Variants in MED20 observed in about 807,000 individuals in gnomAD.
The protein encoded by MED20 is mediator of RNA polymerase II transcription subunit 20.
A neutral mutation model predicts 19.7 loss-of-function variants in MED20; 19 were observed. The observed-to-expected ratio is 0.96, with a 90% CI of 0.67 to 1.42. MED20 has a LOEUF of 1.42. Among genes scored for constraint, MED20 ranks in the 40% most tolerant of loss-of-function variants. The pLI, the probability that MED20 is intolerant of heterozygous loss-of-function variation, is 0.00. For synonymous variants in MED20, 105 were observed against 104.8 expected (o/e 1.00, Z -0.01); for missense variants, 225 against 273.0 (o/e 0.82, Z 1.24).
intron 1 of MED20, among the ~76,000 whole-genome samples, chr6:41,918,993 G>C (rs1211512307): frequency 1.3e-5 from 2 of 150,242 alleles, no homozygotes; most frequent in African/African-American, 4.9e-5. Flanking sequence ...GCCAGGCATG[G>C]TGGTGGGCGC....
At chr6:41,917,399 TA>T (rs1236182311) in intron 1 of MED20, 3,273 of 158,294 alleles carry the variant, frequency 0.021, no homozygotes, top group South Asian at 0.078. Context: ...GACGCCATCT[TA>T]AAAAAAAAAA....
chr6:41,913,561 TAA>T (rs1775246961), intron 2 of MED20, among the ~76,000 whole-genome samples: 1 of 152,218 alleles, frequency 6.6e-6, no homozygotes, highest in South Asian at 2.1e-4. Context: ...TCAACAATGA[TAA>T]AAGAGCTCAG....
chr6:41,906,751 C>A lies in MED20; in HGVS notation c.*321G>T. 1 of 305,662 alleles carries A rather than the reference C, an allele frequency of 3.3e-6. No individual in the cohort carries two copies. The highest frequency in any genetic ancestry group is 6.2e-6 in the Non-Finnish European group (1 of 160,640). The allele number at this position is 305,662 out of a possible 1,614,324, so 18.9% of individuals were successfully genotyped here. On this transcript the variant is annotated 3_prime_UTR_variant, in exon 4 of 4. Coordinates refer to ENST00000265350, the MANE Select transcript of MED20 (RefSeq NM_004275.5). ...ATACGGACTATTTCCCCCACCAGTA[C>A]CAGGCAGGGACATTCCTGTCCTACC...
At position 41,906,847 on chromosome 6, in the gene MED20, TC is replaced by T. The variant is rs1775061909; in HGVS notation, c.*224del. The T allele has an allele frequency of 9.2e-6, 5 of 543,988 alleles. No homozygotes were observed. In the South Asian group the frequency reaches 1.2e-4, roughly 13 times the overall value. 33.7% of individuals were successfully genotyped at this position (543,988 alleles called of 1,614,324 possible). ...TTACCATTCTTGAGGACAGGCCAAA[TC>T]CAGTAAGGCACGGAGTAAAACAGCT... On this transcript the variant is annotated 3_prime_UTR_variant, in exon 4 of 4. Coordinates refer to ENST00000265350, the MANE Select transcript of MED20 (RefSeq NM_004275.5).
chr6:41,916,004 T>C (rs1469654872), intron 2 of MED20, among the ~76,000 whole-genome samples: 1 of 152,052 alleles, frequency 6.6e-6, no homozygotes, highest in Non-Finnish European at 1.5e-5. Flanking sequence ...CCCAGTACTT[T>C]GGGAAGCTGA....
chr6:41,909,043 C>A (rs1775122755), intron 3 of MED20: 2 of 524,460 alleles, frequency 3.8e-6, no homozygotes, highest in East Asian at 5.9e-5. Flanking sequence ...AAATTTAATT[C>A]GGTGGGTGTA....
At chr6:41,920,361 G>A (rs1054712991) in intron 1 of MED20, among the ~76,000 whole-genome samples, 2 of 152,126 alleles carry the variant, frequency 1.3e-5, no homozygotes, top group African/African-American at 2.4e-5. Context: ...GGGAAGAGCA[G>A]GCGAAAATCT....
chr6:41,907,951 C>T (rs1250142285), intron 3 of MED20, among the ~76,000 whole-genome samples: 1 of 152,120 alleles, frequency 6.6e-6, no homozygotes, highest in Non-Finnish European at 1.5e-5. Flanking sequence ...GGATAAACAG[C>T]GGGTCCTCAG....
intron 3 of MED20, among the ~76,000 whole-genome samples, 193 bp from the exon 4 acceptor site, chr6:41,907,480 T>C (rs146517307): frequency 6.6e-6 from 1 of 152,258 alleles, no homozygotes; most frequent in African/African-American, 2.4e-5. Flanking sequence ...TTAGGCATCT[T>C]TGACCTTCTC....
In MED20 at chr6:41,909,446, G is replaced by A. The variant is rs1365094310; in HGVS notation, c.246C>T (p.Gly82=). ...PLSCFALFEN[G]PCLIADTNFD... is the part of the protein sequence containing the mutation. Reference sequence around the variant, plus strand: ...AGTTGGTGTCAGCAATAAGGCAAGGGCCATTCTCAAAGAGGGCGAAACAGC... The same window carrying A: ...AGTTGGTGTCAGCAATAAGGCAAGGACCATTCTCAAAGAGGGCGAAACAGC... The change falls in exon 3 of 4, where the codon GGC becomes GGT. Residue 82 remains glycine (G), a synonymous_variant. Transcript: ENST00000265350. The A allele has an allele frequency of 6.2e-7, 1 of 1,614,102 alleles. No individual in the cohort carries two copies. Among genetic ancestry groups the A allele is most frequent in the African/African-American group, 1.3e-5 (1 of 74,914 alleles).
chr6:41,914,689 C>T (rs547962475), intron 2 of MED20, among the ~76,000 whole-genome samples: 30 of 151,450 alleles, frequency 2.0e-4, no homozygotes, highest in Admixed American at 1.8e-3. Flanking sequence ...ACTGTACAGC[C>T]GGGCAACGAA....
At chr6:41,910,586 C>T (rs1775166609) in intron 2 of MED20, among the ~76,000 whole-genome samples, 2 of 147,952 alleles carry the variant, frequency 1.4e-5, no homozygotes, top group South Asian at 2.1e-4. Flanking sequence ...GAGTTGAGAG[C>T]GTGTCACTGC....
intron 1 of MED20, among the ~76,000 whole-genome samples, chr6:41,920,425 C>T (rs1354950826): frequency 6.6e-6 from 1 of 152,164 alleles, no homozygotes; most frequent in Non-Finnish European, 1.5e-5. Context: ...ACCCTGTCTG[C>T]AGGTGGGTCA....
At chr6:41,917,747 C>T in intron 1 of MED20, 1 of 471,012 alleles carries the variant, frequency 2.1e-6, no homozygotes, top group South Asian at 1.5e-5. Flanking sequence ...TCTTTCAGTT[C>T]TGACTACATC....
intron 2 of MED20, among the ~76,000 whole-genome samples, chr6:41,912,287 C>A (rs145193795): frequency 2.1e-5 from 3 of 145,964 alleles, no homozygotes; most frequent in African/African-American, 7.7e-5. Context: ...GCAATCCTCT[C>A]ACCTCTACCT....
chr6:41,919,287 TG>T (rs1255565413), intron 1 of MED20, among the ~76,000 whole-genome samples: 1 of 152,138 alleles, frequency 6.6e-6, no homozygotes, highest in African/African-American at 2.4e-5. Context: ...CTAGACTGCC[TG>T]TATAAGGATG....
At chr6:41,916,618 C>T (rs1345716429) in intron 2 of MED20, among the ~76,000 whole-genome samples, 167 bp downstream of exon 2, 2 of 152,040 alleles carry the variant, frequency 1.3e-5, no homozygotes, top group Non-Finnish European at 2.9e-5. Flanking sequence ...CTTTCAAAGG[C>T]CCTATTCTAA....
chr6:41,909,129 G>T (rs553220335), intron 3 of MED20, 140 bp downstream of exon 3: 291 of 1,148,522 alleles, frequency 2.5e-4, no homozygotes, highest in South Asian at 4.1e-4. Flanking sequence ...TGCCAAGATT[G>T]TGCCATTGCA....
At chr6:41,919,593 G>A (rs1775407026) in intron 1 of MED20, among the ~76,000 whole-genome samples, 1 of 152,078 alleles carries the variant, frequency 6.6e-6, no homozygotes, top group African/African-American at 2.4e-5. Context: ...TTGATAAGGG[G>A]GCCAACAGAG....
Sources: allele counts gnomAD v4.1 joint callset (sites outside exome capture counted in the v4.1 genomes callset), GRCh38; gene constraint gnomAD v4.1.1; transcripts MANE v1.5; gene names NCBI Gene and HGNC (gene_info 2026-07-23, HGNC 2026-07-21).